The following SLX9 variants were observed in gnomAD, a reference collection of about 807,000 sequenced individuals.
SLX9 encodes SLX9 ribosome biogenesis factor, also known as ribosome biogenesis protein SLX9 homolog.
A neutral mutation model predicts 20.8 loss-of-function variants in SLX9; 19 were observed. The ratio of observed to expected loss-of-function variants is 0.91; its 90% CI spans 0.64 to 1.34. SLX9 has a LOEUF of 1.34. Among genes scored for constraint, SLX9 ranks in the 40% most tolerant of loss-of-function variants. The pLI is 0.00. For synonymous variants in SLX9, 113 were observed against 137.1 expected, an observed-to-expected ratio of 0.82 and a Z score of 1.23; for missense variants, 299 against 322.2, an observed-to-expected ratio of 0.93 and a Z score of 0.55.
chr21:44,966,255 C>T (rs1274889080), intron 3 of SLX9, among the ~76,000 whole-genome samples: 3 of 152,048 alleles, frequency 2.0e-5, no homozygotes, highest in African/African-American at 4.8e-5. Context: ...GCTGTTGTCA[C>T]CTCTGGAAAC....
intron 4 of SLX9, among the ~76,000 whole-genome samples, chr21:44,971,194 C>T (rs55835776): frequency 1.4e-4 from 6 of 43,984 alleles, no homozygotes; most frequent in East Asian, 1.2e-3. Flanking sequence ...GTGGTGACGC[C>T]GCTGCTCCTG....
Position 44,940,129 on chromosome 21 carries a change from C to T in SLX9, c.72C>T (p.Pro24=). The part of the protein sequence containing the change: ...AAVRPKGEAA[P]GPAPPAPEAT... ...TGAGGCCGAAAGGGGAGGCCGCCCC[C>T]GGCCCCGCGCCCCCTGCCCCGGAGG... The change falls in exon 1 of 6, where the codon CCC becomes CCT. Residue 24 remains proline (P), a synonymous_variant. Coordinates refer to ENST00000291634, the MANE Select transcript of SLX9 (RefSeq NM_058190.4). The T allele has an allele frequency of 1.5e-6, 2 of 1,358,010 alleles. No homozygotes were observed. Among genetic ancestry groups the T allele is most frequent in the African/African-American group, 3.0e-5 (2 of 65,772 alleles). 84.1% of individuals were successfully genotyped at this position (1,358,010 alleles called of 1,614,324 possible). A position where few individuals can be genotyped will look rare whatever the true frequency, so the allele number is the denominator to read the frequency against.
chr21:44,940,957 G>T (rs2146599629), intron 1 of SLX9, among the ~76,000 whole-genome samples: 1 of 152,206 alleles, frequency 6.6e-6, no homozygotes, highest in East Asian at 1.9e-4. Context: ...TTCTTCAGAT[G>T]GCATAATCTA....
At chr21:44,952,671 G>A (rs544107186) in intron 2 of SLX9, among the ~76,000 whole-genome samples, 4 of 152,352 alleles carry the variant, frequency 2.6e-5, no homozygotes, top group Admixed American at 2.0e-4. Context: ...GTGGCCCCAC[G>A]GGACCCTCCC....
intron 2 of SLX9, among the ~76,000 whole-genome samples, chr21:44,948,392 G>A (rs970366500): frequency 6.6e-6 from 1 of 151,988 alleles, no homozygotes; most frequent in African/African-American, 2.4e-5. Context: ...GCAGCATCGG[G>A]CGGTCCGGGG....
At chr21:44,954,194 G>C (rs1255574845) in intron 2 of SLX9, among the ~76,000 whole-genome samples, 1 of 152,172 alleles carries the variant, frequency 6.6e-6, no homozygotes, top group African/African-American at 2.4e-5. Context: ...GAATCCTGTG[G>C]GGTTTGGAGT....
chr21:44,953,483 TCCTGCA>T (rs2084797571), intron 2 of SLX9, among the ~76,000 whole-genome samples: 1 of 152,090 alleles, frequency 6.6e-6, no homozygotes, highest in Non-Finnish European at 1.5e-5. Context: ...CGGGAGCCTG[TCCTGCA>T]CCATCCCCGG....
intron 5 of SLX9, among the ~76,000 whole-genome samples, chr21:44,973,495 C>T (rs1216190943): frequency 1.1e-5 from 1 of 94,220 alleles, no homozygotes; most frequent in African/African-American, 4.3e-5. Context: ...TCACCCCGCC[C>T]ACCCTCTCCA....
chr21:44,952,463 C>T (rs561363431), intron 2 of SLX9, among the ~76,000 whole-genome samples: 4 of 152,370 alleles, frequency 2.6e-5, no homozygotes, highest in Non-Finnish European at 5.9e-5. Context: ...TGGGGATTCC[C>T]GGGGCCGCCT....
At chr21:44,959,935 T>G (rs2084924458) in intron 2 of SLX9, among the ~76,000 whole-genome samples, 165 bp from the exon 3 acceptor site, 1 of 152,116 alleles carries the variant, frequency 6.6e-6, no homozygotes. Context: ...ATGCTGCAGG[T>G]GCCCCTGGTG....
rs185560641 is a variant in SLX9, at chr21:44,951,134, T to A, written c.283+7297T>A. ...AGCAGAACACACAGGAGAAGATTCCTCTGGGCTTGGCCAGCCTCTTCTGTG... is the reference window on the plus strand; with the variant it reads ...AGCAGAACACACAGGAGAAGATTCCACTGGGCTTGGCCAGCCTCTTCTGTG... On this transcript the variant is annotated intron_variant, in intron 2 of 5. Transcript: ENST00000291634. 4.8e-3 allele frequency among the ~76,000 whole-genome samples: 731 copies of A among 152,266 alleles called. 5 individuals carry two copies. Among genetic ancestry groups the A allele is most frequent in the South Asian group, 0.013 (62 of 4,828 alleles).
At chr21:44,971,065 A>G (rs1015958880) in intron 4 of SLX9, among the ~76,000 whole-genome samples, 7 of 152,212 alleles carry the variant, frequency 4.6e-5, no homozygotes, top group Admixed American at 3.9e-4. Context: ...GGTGACCCCC[A>G]TGCTCTGGAC....
chr21:44,958,897 T>A (rs969518835), intron 2 of SLX9, among the ~76,000 whole-genome samples: 1 of 152,238 alleles, frequency 6.6e-6, no homozygotes, highest in Non-Finnish European at 1.5e-5. Context: ...CCAGGCCTCG[T>A]TTTCTTCATT....
chr21:44,964,383 C>G (rs1196456827), intron 3 of SLX9, among the ~76,000 whole-genome samples: 1 of 152,116 alleles, frequency 6.6e-6, no homozygotes, highest in Non-Finnish European at 1.5e-5. Context: ...CCCTGTGGAT[C>G]TGCACGCGCC....
chr21:44,955,596 G>T (rs776444302), intron 2 of SLX9, among the ~76,000 whole-genome samples: 1 of 152,136 alleles, frequency 6.6e-6, no homozygotes, highest in Non-Finnish European at 1.5e-5. Flanking sequence ...CCTCACTGCA[G>T]CTTCGACCTC....
chr21:44,967,270 C>T (rs1286925973), intron 4 of SLX9, 89 bp downstream of exon 4: 14 of 1,474,778 alleles, frequency 9.5e-6, no homozygotes, highest in Middle Eastern at 2.1e-4. Context: ...CCACGGGCCA[C>T]GGTGCTTCCT....
Position 44,976,756 on chromosome 21 carries a change from C to G in SLX9, c.646C>G (p.Gln216Glu). 1 of 1,557,012 alleles carries G rather than the reference C, an allele frequency of 6.4e-7. No individual in the cohort carries two copies. The highest frequency in any genetic ancestry group is 1.2e-5 in the South Asian group (1 of 84,816). Residue 216 changes from glutamine to glutamate, a missense_variant, in exon 6 of 6, where the codon CAG becomes GAG. By Grantham distance (29) the Gln-to-Glu change is conservative. Transcript: ENST00000291634. Reference sequence around the variant, plus strand: ...AGCCAGCCCCCTGGTGGCCATCGGGCAGACGCTGGCCCGGCAGATGCAGCT... The same window carrying G: ...AGCCAGCCCCCTGGTGGCCATCGGGGAGACGCTGGCCCGGCAGATGCAGCT... The part of the protein sequence containing the change: ...YRASPLVAIG[Q>E]TLARQMQLED...
chr21:44,957,517 G>T (rs1358226380), intron 2 of SLX9, among the ~76,000 whole-genome samples: 1 of 152,222 alleles, frequency 6.6e-6, no homozygotes, highest in Non-Finnish European at 1.5e-5. Context: ...AGATACAGGC[G>T]CTGTGGCAGC....
At position 44,950,374 on chromosome 21, in the gene SLX9, A is replaced by G. The variant is rs555012782; in HGVS notation, c.283+6537A>G. Reference sequence around the variant, plus strand: ...AAGAACAAACTGACGGGGAGGTTACATGGAGATGGCTCTGTGGAAGCGAGG... The same window carrying G: ...AAGAACAAACTGACGGGGAGGTTACGTGGAGATGGCTCTGTGGAAGCGAGG... On this transcript the variant is annotated intron_variant, in intron 2 of 5. Transcript: ENST00000291634. 6.6e-5 allele frequency among the ~76,000 whole-genome samples: 10 copies of G among 152,330 alleles called. 1 individual carries two copies. In the South Asian group the frequency reaches 1.7e-3, roughly 25 times the overall value.
Sources: allele counts gnomAD v4.1 joint callset (sites outside exome capture counted in the v4.1 genomes callset), GRCh38; gene constraint gnomAD v4.1.1; transcripts MANE v1.5; gene names NCBI Gene and HGNC (gene_info 2026-07-23, HGNC 2026-07-21).